The following CST1 variants were observed in gnomAD, a reference collection of about 807,000 sequenced individuals.
The protein encoded by CST1 is cystatin-SN.
Under a neutral mutation model 10.7 loss-of-function variants are expected in CST1, and 19 were observed. The ratio of observed to expected loss-of-function variants is 1.78; its 90% CI spans 1.24 to 2.61. CST1 has a LOEUF of 2.61. CST1 is among the 30% of genes most tolerant of loss of function. The probability of loss-of-function intolerance (pLI) is 0.00; values close to 1 mark genes in which losing one functional copy is unlikely to be tolerated. For missense variants in CST1, 247 were observed against 178.1 expected, an observed-to-expected ratio of 1.39 and a Z score of -2.20; for synonymous variants, 95 against 72.8, an observed-to-expected ratio of 1.31 and a Z score of -1.55.
In CST1 at chr20:23,747,810, A is replaced by G. The variant is rs1454167580; in HGVS notation, c.*6T>C. On this transcript the variant is annotated 3_prime_UTR_variant, in exon 3 of 3. Coordinates refer to ENST00000304749, the MANE Select transcript of CST1 (RefSeq NM_001898.3). ...GTGGCTGGTGCGAATGGCCTGGCACAGATCCCTAGGATTCTTGACACCTGG... is the reference window on the plus strand; with the variant it reads ...GTGGCTGGTGCGAATGGCCTGGCACGGATCCCTAGGATTCTTGACACCTGG... 2 of 1,613,422 alleles carry G rather than the reference A, an allele frequency of 1.2e-6. No homozygotes were observed. Among genetic ancestry groups the G allele is most frequent in the Non-Finnish European group, 8.5e-7 (1 of 1,179,508 alleles).
At position 23,750,856 on chromosome 20, in the gene CST1, T is replaced by G. The variant is rs772372352; in HGVS notation, c.11A>C (p.Tyr4Ser). 3.3e-4 allele frequency: 532 copies of G among 1,610,712 alleles called. 1 individual carries two copies. Among genetic ancestry groups the G allele is most frequent in the Middle Eastern group, 3.0e-3 (18 of 6,022 alleles). Residue 4 changes from tyrosine to serine, a missense_variant, in exon 1 of 3, where the codon TAT becomes TCT. Coordinates refer to ENST00000304749, the MANE Select transcript of CST1 (RefSeq NM_001898.3). ...CAGCAGGAGCAGCAGGGTACTCAGATACTGGGCCATGGTCTCCTCAGAGGC... is the reference window on the plus strand; with the variant it reads ...CAGCAGGAGCAGCAGGGTACTCAGAGACTGGGCCATGGTCTCCTCAGAGGC... MAQ[Y>S]LSTLLLLLAT...
In CST1 at chr20:23,748,859, C is replaced by A. The variant is rs4465840; in HGVS notation, c.342+157G>T. ...ACATGCACACCTACATGCACACCCCCCCATAAGTACATGAACACGTACACA... is the reference window on the plus strand; with the variant it reads ...ACATGCACACCTACATGCACACCCCACCATAAGTACATGAACACGTACACA... On this transcript the variant is annotated intron_variant, in intron 2 of 2. Transcript: ENST00000304749. Among the ~76,000 whole-genome samples the A allele has an allele frequency of 2.0e-5, 3 of 151,480 alleles. No individual in the cohort carries two copies. The East Asian group carries it at 5.9e-4, about 30-fold the overall frequency.
rs1329209683 is a variant in CST1 at position 23,750,920 on chromosome 20, G to A, written c.-54C>T. 8.1e-6 allele frequency: 12 copies of A among 1,483,212 alleles called. No individual in the cohort carries two copies. The highest frequency in any genetic ancestry group is 1.1e-5 in the Non-Finnish European group (12 of 1,089,760). The allele number at this position is 1,483,212 out of a possible 1,614,324, so 91.9% of individuals were successfully genotyped here. Reference sequence around the variant, plus strand: ...GGAGCTGCAGGAGAGGAGGGTGAGAGCCCGAGGCAGGGAGCCCAGACCAGC... The same window carrying A: ...GGAGCTGCAGGAGAGGAGGGTGAGAACCCGAGGCAGGGAGCCCAGACCAGC... On this transcript the variant is annotated 5_prime_UTR_variant, in exon 1 of 3. Transcript: ENST00000304749.
Position 23,747,761 on chromosome 20 carries a change from C to CACTACAGGGGGTGGGAGT in CST1, c.*37_*54dup. 1.3e-6 allele frequency: 2 copies of CACTACAGGGGGTGGGAGT among 1,554,230 alleles called. No individual in the cohort carries two copies. The highest frequency in any genetic ancestry group is 1.8e-6 in the Non-Finnish European group (2 of 1,130,264). On this transcript the variant is annotated 3_prime_UTR_variant, in exon 3 of 3. Transcript: ENST00000304749. The stretch of plus-strand genomic sequence containing the variant: ...GGGGCCACCAGTCCAGGGGTGGGAG[C>CACTACAGGGGGTGGGAGT]ACTACAGGGGGTGGGAGTGGGTGGT...
At chr20:23,748,863 T>C (rs4422222) in intron 2 of CST1, among the ~76,000 whole-genome samples, 153 bp downstream of exon 2, 107,968 of 150,982 alleles carry the variant, frequency 0.72, 39,202 homozygotes, top group African/African-American at 0.85. Flanking sequence ...CACCCCCCCA[T>C]AAGTACATGA....
intron 2 of CST1, 134 bp from the exon 3 acceptor site, chr20:23,748,033 C>T: frequency 1.2e-6 from 1 of 837,344 alleles, no homozygotes; most frequent in East Asian, 2.6e-5. Context: ...CCTACTGAGT[C>T]CCAGAGTGCT....
chr20:23,748,591 T>C (rs1982736856), intron 2 of CST1, among the ~76,000 whole-genome samples: 1 of 152,090 alleles, frequency 6.6e-6, no homozygotes, highest in Admixed American at 6.6e-5. Context: ...GCAGGCAGAA[T>C]TGACCTTATA....
rs752215871 is a variant in CST1 at position 23,747,918 on chromosome 20, A to C, written c.343-19T>G. Reference sequence around the variant, plus strand: ...ACTGTTTCTGTGAAAGGGAAGAGAGAGGGCCAATCAGTGTGGGTTACAGTT... The same window carrying C: ...ACTGTTTCTGTGAAAGGGAAGAGAGCGGGCCAATCAGTGTGGGTTACAGTT... On this transcript the variant is annotated intron_variant, in intron 2 of 2. Coordinates refer to ENST00000304749, the MANE Select transcript of CST1 (RefSeq NM_001898.3). The C allele has an allele frequency of 6.2e-6, 10 of 1,604,064 alleles. No individual in the cohort carries two copies. Among genetic ancestry groups the C allele is most frequent in the Non-Finnish European group, 8.5e-6 (10 of 1,170,944 alleles).
intron 1 of CST1, among the ~76,000 whole-genome samples, chr20:23,750,149 G>A (rs1982789629): frequency 6.6e-6 from 1 of 152,078 alleles, no homozygotes; most frequent in South Asian, 2.1e-4. Flanking sequence ...ACCCCAGCAG[G>A]GACTCAGCGC....
chr20:23,749,038 T>C lies in CST1; in HGVS notation c.320A>G (p.His107Arg), dbSNP rs1174508366. 6.2e-7 allele frequency: 1 copy of C among 1,614,202 alleles called. No individual in the cohort carries two copies. Reference sequence around the variant, plus strand: ...TACCTTCTGCAGTTCTGGCTGTTCATGGAAGGCACAGGTGTCCAAGTTGGG... The same window carrying C: ...TACCTTCTGCAGTTCTGGCTGTTCACGGAAGGCACAGGTGTCCAAGTTGGG... ...SQPNLDTCAF[H>R]EQPELQKKQL... Residue 107 changes from histidine to arginine, a missense_variant, in exon 2 of 3, where the codon CAT (histidine) becomes CGT (arginine). His to Arg is a conservative substitution (Grantham distance 29). Transcript: ENST00000304749.
chr20:23,747,565 G>A lies in CST1; in HGVS notation c.*251C>T, dbSNP rs556512299. On this transcript the variant is annotated 3_prime_UTR_variant, in exon 3 of 3. Coordinates refer to ENST00000304749, the MANE Select transcript of CST1 (RefSeq NM_001898.3). Reference sequence around the variant, plus strand: ...GACAGCCAAGAACTCAGAGGGAGGCGATGCTACTGTTTAATTGCAGGAGGT... The same window carrying A: ...GACAGCCAAGAACTCAGAGGGAGGCAATGCTACTGTTTAATTGCAGGAGGT... The A allele has an allele frequency of 4.6e-5, 25 of 545,606 alleles. No homozygotes were observed. Among genetic ancestry groups the A allele is most frequent in the East Asian group, 5.7e-5 (2 of 34,808 alleles). The allele number at this position is 545,606 out of a possible 1,614,324, so 33.8% of individuals were successfully genotyped here.
At position 23,750,627 on chromosome 20, in the gene CST1, G is replaced by C; in HGVS notation, c.228+12C>G. On this transcript the variant is annotated intron_variant, in intron 1 of 2. Transcript: ENST00000304749. The stretch of plus-strand genomic sequence containing the variant: ...TGGGACCCAGGACCCCTGGGGTGGA[G>C]GGAGCACCTACCTGTTGCCTGGCTC... 2 of 1,613,266 alleles carry C rather than the reference G, an allele frequency of 1.2e-6. No homozygotes were observed. Among genetic ancestry groups the C allele is most frequent in the Non-Finnish European group, 1.7e-6 (2 of 1,179,598 alleles).
intron 1 of CST1, among the ~76,000 whole-genome samples, 198 bp from the exon 2 acceptor site, chr20:23,749,327 G>A (rs889562509): frequency 3.3e-5 from 5 of 152,208 alleles, no homozygotes; most frequent in Admixed American, 6.5e-5. Context: ...CTTTCTCTGT[G>A]CTGGGTAAAA....
intron 2 of CST1, 25 bp downstream of exon 2, chr20:23,748,991 C>T: frequency 1.2e-6 from 2 of 1,614,012 alleles, no homozygotes; most frequent in East Asian, 2.2e-5. Flanking sequence ...GCATGACTGG[C>T]CCGGGACCTG....
rs1328029050 is a variant in CST1, at chr20:23,749,092, A to G, written c.266T>C (p.Val89Ala). Residue 89 changes from valine (V) to alanine (A), a missense_variant, in exon 2 of 3, where the codon GTG becomes GCG. Coordinates refer to ENST00000304749, the MANE Select transcript of CST1 (RefSeq NM_001898.3). ...GGVNYFFDVE[V>A]GRTICTKSQP... ...GGACTTGGTACATATGGTGCGGCCCACCTCTACGTCGAAGAAGTAATTCAC... is the reference window on the plus strand; with the variant it reads ...GGACTTGGTACATATGGTGCGGCCCGCCTCTACGTCGAAGAAGTAATTCAC... 6.2e-7 allele frequency: 1 copy of G among 1,613,966 alleles called. No homozygotes were observed.
chr20:23,750,846 G>A lies in CST1; in HGVS notation c.21C>T (p.Thr7=), dbSNP rs542879965. 25 of 1,612,748 alleles carry A rather than the reference G, an allele frequency of 1.6e-5. No individual in the cohort carries two copies. The South Asian group carries it at 2.3e-4, about 15-fold the overall frequency. MAQYLS[T]LLLLLATLAV... ...CTAGGGTGGCCAGCAGGAGCAGCAG[G>A]GTACTCAGATACTGGGCCATGGTCT... Residue 7 remains threonine, a synonymous_variant, in exon 1 of 3, where the codon ACC becomes ACT. Coordinates refer to ENST00000304749, the MANE Select transcript of CST1 (RefSeq NM_001898.3).
Position 23,750,848 on chromosome 20 carries a change from T to G in CST1, c.19A>C (p.Thr7Pro). The G allele has an allele frequency of 6.2e-7, 1 of 1,612,240 alleles. No homozygotes were observed. Among genetic ancestry groups the G allele is most frequent in the African/African-American group, 1.3e-5 (1 of 74,936 alleles). MAQYLS[T>P]LLLLLATLAV... Reference sequence around the variant, plus strand: ...AGGGTGGCCAGCAGGAGCAGCAGGGTACTCAGATACTGGGCCATGGTCTCC... The same window carrying G: ...AGGGTGGCCAGCAGGAGCAGCAGGGGACTCAGATACTGGGCCATGGTCTCC... The change falls in exon 1 of 3, where the codon ACC becomes CCC. Residue 7 changes from threonine to proline, a missense_variant. By Grantham distance (38) the Thr-to-Pro change is conservative (BLOSUM62 -1). Coordinates refer to ENST00000304749, the MANE Select transcript of CST1 (RefSeq NM_001898.3).
chr20:23,747,996 A>T, intron 2 of CST1, 97 bp from the exon 3 acceptor site: 1 of 1,233,856 alleles, frequency 8.1e-7, no homozygotes, highest in Non-Finnish European at 1.2e-6. Flanking sequence ...AGGAGGATGG[A>T]GGTGAGACAC....
Position 23,749,204 on chromosome 20 carries a change from C to T in CST1, c.229-75G>A, listed in dbSNP as rs1315920054. ...CAGGCACTTCACTGTGGCTGAGTCA[C>T]TGGACTTGCTTGGGGGCTTCGTGAG... On this transcript the variant is annotated intron_variant, in intron 1 of 2. Transcript: ENST00000304749. 38 of 1,250,428 alleles carry T rather than the reference C, an allele frequency of 3.0e-5. No homozygotes were observed. In the South Asian group the frequency reaches 3.6e-4, roughly 12 times the overall value. 77.5% of individuals were successfully genotyped at this position (1,250,428 alleles called of 1,614,324 possible). A position where few individuals can be genotyped will look rare whatever the true frequency, so the allele number is the denominator to read the frequency against.
Sources: allele counts gnomAD v4.1 joint callset (sites outside exome capture counted in the v4.1 genomes callset), GRCh38; gene constraint gnomAD v4.1.1; transcripts MANE v1.5; gene names NCBI Gene and HGNC (gene_info 2026-07-23, HGNC 2026-07-21).